Variants in MCUB observed in about 807,000 individuals in gnomAD.
MCUB encodes mitochondrial calcium uniporter dominant negative subunit beta.
A neutral mutation model predicts 41.4 loss-of-function variants in MCUB; 46 were observed. The ratio of observed to expected loss-of-function variants is 1.11; its 90% CI spans 0.88 to 1.42. The LOEUF (loss-of-function observed/expected upper bound fraction) is 1.42. Ranked by LOEUF, MCUB falls within the 40% of genes most tolerant of loss-of-function variation. The probability of loss-of-function intolerance (pLI) is 0.00; values close to 1 mark genes in which losing one functional copy is unlikely to be tolerated. For synonymous variants in MCUB, 148 were observed against 148.2 expected (o/e 1.00, Z 0.01); for missense variants, 403 against 404.9 (o/e 1.00, Z 0.04).
chr4:109,682,861 C>CA (rs1729751467), intron 5 of MCUB, 119 bp downstream of exon 5: 1 of 708,422 alleles, frequency 1.4e-6, no homozygotes, highest in Non-Finnish European at 2.3e-6. Context: ...TTACGCCTCA[C>CA]AAAAAACCTG....
intron 1 of MCUB, among the ~76,000 whole-genome samples, chr4:109,605,848 T>C (rs1345009969): frequency 6.6e-6 from 1 of 152,226 alleles, no homozygotes; most frequent in African/African-American, 2.4e-5. Flanking sequence ...TACTCCTTTT[T>C]TGGGGGGGTT....
In MCUB at chr4:109,619,170, G is replaced by A. The variant is rs150602150; in HGVS notation, c.100-39841G>A. On this transcript the variant is annotated intron_variant, in intron 1 of 7. Coordinates refer to ENST00000394650, the MANE Select transcript of MCUB (RefSeq NM_017918.5). ...CAACTTCTGCCTCCCAGGTTCAAGC[G>A]ATTCTCCTGCCTCAGCCTCCTCAGC... 3.6e-3 allele frequency among the ~76,000 whole-genome samples: 551 copies of A among 152,116 alleles called. 5 individuals carry two copies. Among genetic ancestry groups the A allele is most frequent in the East Asian group, 0.014 (73 of 5,154 alleles).
intron 1 of MCUB, among the ~76,000 whole-genome samples, chr4:109,563,686 G>A (rs1392873437): frequency 6.6e-6 from 1 of 152,116 alleles, no homozygotes; most frequent in Non-Finnish European, 1.5e-5. Context: ...GCTTGTTATT[G>A]TGATTAAATG....
Position 109,590,472 on chromosome 4 carries a change from T to C in MCUB, c.99+30036T>C, listed in dbSNP as rs146611997. 4.1e-4 allele frequency among the ~76,000 whole-genome samples: 63 copies of C among 152,348 alleles called. No individual in the cohort carries two copies. In the East Asian group the frequency reaches 0.012, roughly 28 times the overall value. On this transcript the variant is annotated intron_variant, in intron 1 of 7. Coordinates refer to ENST00000394650, the MANE Select transcript of MCUB (RefSeq NM_017918.5). ...TTTTTATTAATAATTGGAAAGCCCA[T>C]GTAAAAGGAGTTAAAAAAATTGAGT...
chr4:109,684,101 C>A (rs1392345685), intron 5 of MCUB, among the ~76,000 whole-genome samples: 1 of 147,364 alleles, frequency 6.8e-6, no homozygotes, highest in South Asian at 2.1e-4. Flanking sequence ...CTTGCACTGT[C>A]GCCCAGGCTG....
At chr4:109,596,844 A>G (rs1295672416) in intron 1 of MCUB, among the ~76,000 whole-genome samples, 1 of 150,998 alleles carries the variant, frequency 6.6e-6, no homozygotes, top group East Asian at 1.9e-4. Context: ...CAAGTGAACA[A>G]AGGTCTCTGG....
intron 4 of MCUB, among the ~76,000 whole-genome samples, chr4:109,664,660 T>C (rs879664038): frequency 6.6e-6 from 1 of 152,118 alleles, no homozygotes; most frequent in Non-Finnish European, 1.5e-5. Context: ...CTTTTACCTT[T>C]AGCTGTGAGG....
intron 1 of MCUB, among the ~76,000 whole-genome samples, chr4:109,633,637 C>T (rs1261451680): frequency 1.3e-5 from 2 of 152,154 alleles, no homozygotes; most frequent in Non-Finnish European, 2.9e-5. Flanking sequence ...AAATGTAAAG[C>T]ATTTTATGTG....
Position 109,614,292 on chromosome 4 carries a change from G to A in MCUB, c.100-44719G>A, listed in dbSNP as rs753168488. ...CTCTTTCCATCTATAAACCCATGCT[G>A]TAGGATTGAGTGAATGTTTGTGTCA... On this transcript the variant is annotated intron_variant, in intron 1 of 7. Coordinates refer to ENST00000394650, the MANE Select transcript of MCUB (RefSeq NM_017918.5). Among the ~76,000 whole-genome samples the A allele has an allele frequency of 4.6e-5, 7 of 152,084 alleles. 1 individual carries two copies. Among genetic ancestry groups the A allele is most frequent in the Non-Finnish European group, 2.9e-5 (2 of 68,020 alleles).
intron 1 of MCUB, among the ~76,000 whole-genome samples, chr4:109,652,826 G>C (rs1284880012): frequency 1.3e-5 from 2 of 152,148 alleles, no homozygotes; most frequent in African/African-American, 4.8e-5. Flanking sequence ...ATTTTCCTTA[G>C]CATCTTGAAA....
chr4:109,615,152 T>C (rs144485240), intron 1 of MCUB, among the ~76,000 whole-genome samples: 1 of 152,302 alleles, frequency 6.6e-6, no homozygotes, highest in East Asian at 1.9e-4. Flanking sequence ...TTCAGAGTTT[T>C]ATTTCTTTAG....
chr4:109,580,969 G>C (rs1727158586), intron 1 of MCUB, among the ~76,000 whole-genome samples: 1 of 152,158 alleles, frequency 6.6e-6, no homozygotes, highest in Admixed American at 6.5e-5. Flanking sequence ...GTAATTTATA[G>C]ATTCAATGCC....
intron 1 of MCUB, among the ~76,000 whole-genome samples, chr4:109,586,385 G>T (rs184420185): frequency 1.3e-5 from 2 of 152,058 alleles, no homozygotes; most frequent in African/African-American, 4.8e-5. Flanking sequence ...GCTTCCTTGC[G>T]ATGGGTTCGA....
chr4:109,667,112 A>G (rs188772329), intron 4 of MCUB, among the ~76,000 whole-genome samples: 2 of 152,250 alleles, frequency 1.3e-5, no homozygotes, highest in East Asian at 3.9e-4. Context: ...AGAATGAGTT[A>G]GGAAGTATTC....
chr4:109,673,035 A>G (rs1177677152), intron 4 of MCUB, among the ~76,000 whole-genome samples: 1 of 152,242 alleles, frequency 6.6e-6, no homozygotes, highest in Admixed American at 6.5e-5. Flanking sequence ...ATTAAAATGA[A>G]TCACTCATTT....
chr4:109,606,810 G>GA (rs1469416844), intron 1 of MCUB, among the ~76,000 whole-genome samples: 57 of 152,138 alleles, frequency 3.7e-4, no homozygotes, highest in African/African-American at 1.1e-3. Flanking sequence ...GCGATGGCGC[G>GA]ATCTCGGCTC....
intron 1 of MCUB, among the ~76,000 whole-genome samples, chr4:109,628,281 G>A (rs537266321): frequency 6.6e-6 from 1 of 152,192 alleles, no homozygotes; most frequent in Non-Finnish European, 1.5e-5. Flanking sequence ...AGGCCAGTGC[G>A]CCTGGAGAGG....
chr4:109,677,982 G>T (rs1729611663), intron 4 of MCUB, among the ~76,000 whole-genome samples: 1 of 151,876 alleles, frequency 6.6e-6, no homozygotes, highest in African/African-American at 2.4e-5. Context: ...CAGTGTTTGT[G>T]TCCCTGGGTA....
At chr4:109,612,966 T>C (rs1400257527) in intron 1 of MCUB, among the ~76,000 whole-genome samples, 5 of 151,626 alleles carry the variant, frequency 3.3e-5, no homozygotes, top group African/African-American at 9.7e-5. Flanking sequence ...ATTAGCTGGG[T>C]GTGGTGGCGG....
Sources: allele counts gnomAD v4.1 joint callset (sites outside exome capture counted in the v4.1 genomes callset), GRCh38; gene constraint gnomAD v4.1.1; transcripts MANE v1.5; gene names NCBI Gene and HGNC (gene_info 2026-07-23, HGNC 2026-07-21).